CENPF: variants seen among roughly 807,000 people sequenced by gnomAD.
CENPF encodes the protein centromere protein F.
CENPF carries 214 observed loss-of-function variants against 307.3 expected under a neutral mutation model. That is an observed-to-expected ratio of 0.70 (90% CI 0.62 to 0.78). The LOEUF (loss-of-function observed/expected upper bound fraction) is 0.78. CENPF is among the 30% of genes least tolerant of loss of function. CENPF has a pLI of 0.00. For synonymous variants in CENPF, 1,259 were observed against 1,270.6 expected (o/e 0.99, Z 0.19); for missense variants, 3,401 against 3,483.9 (o/e 0.98, Z 0.60).
intron 5 of CENPF, among the ~76,000 whole-genome samples, chr1:214,619,932 G>A (rs1351117710): frequency 6.6e-6 from 1 of 152,142 alleles, no homozygotes; most frequent in Non-Finnish European, 1.5e-5. Context: ...AATATCATGT[G>A]CTTTGTCATC....
chr1:214,644,581 T>G lies in CENPF; in HGVS notation c.5011T>G (p.Cys1671Gly). Residue 1671 changes from cysteine (C) to glycine (G), a missense_variant, in exon 13 of 20, where the codon TGT becomes GGT. Coordinates refer to ENST00000366955, the MANE Select transcript of CENPF (RefSeq NM_016343.4). ...EDAIQGRNES[C>G]DISKEHTSET... ...GGCTATTCAAGGCCGAAATGAGAGC[T>G]GTGACATATCAAAAGAACATACTTC... The G allele has an allele frequency of 6.2e-7, 1 of 1,607,160 alleles. No homozygotes were observed. Among genetic ancestry groups the G allele is most frequent in the Non-Finnish European group, 8.5e-7 (1 of 1,176,114 alleles).
rs189214553 is a variant in CENPF, at chr1:214,618,839, G to C, written c.481+145G>C. 1,495 of 796,078 alleles carry C rather than the reference G, an allele frequency of 1.9e-3. 8 individuals carry two copies. The highest frequency in any genetic ancestry group is 4.3e-3 in the South Asian group (209 of 49,040). 49.3% of individuals were successfully genotyped at this position (796,078 alleles called of 1,614,324 possible). A position where few individuals can be genotyped will look rare whatever the true frequency, so the allele number is the denominator to read the frequency against. ...GCAGCCACTTGTTACATATCCATTT[G>C]CATATCTGTTGAATTATGTTGAGCT... is the stretch of plus-strand genomic sequence containing the variant. On this transcript the variant is annotated intron_variant, in intron 4 of 19. Transcript: ENST00000366955.
At chr1:214,631,765 G>T (rs963988909) in intron 9 of CENPF, among the ~76,000 whole-genome samples, 1 of 152,196 alleles carries the variant, frequency 6.6e-6, no homozygotes, top group African/African-American at 2.4e-5. Context: ...CTCCCAAAGT[G>T]CTGGGATTAC....
rs1276619542 is a variant in CENPF, at chr1:214,619,134, A to G, written c.487A>G (p.Lys163Glu). 1 of 1,446,552 alleles carries G rather than the reference A, an allele frequency of 6.9e-7. No individual in the cohort carries two copies. Among genetic ancestry groups the G allele is most frequent in the Admixed American group, 1.8e-5 (1 of 54,538 alleles). The allele number at this position is 1,446,552 out of a possible 1,614,324, so 89.6% of individuals were successfully genotyped here. ...ATTTGATTGTCTGTTTCTAGGTTCC[A>G]AGTATGAAGATCTAAAAGAAAAATA... ...LTPSQYYSGS[K>E]YEDLKEKYNK... The change falls in exon 5 of 20, where the codon AAG (lysine) becomes GAG (glutamate). Residue 163 changes from lysine (K) to glutamate (E), a missense_variant. Lys to Glu is a moderately conservative substitution (Grantham distance 56). Transcript: ENST00000366955.
intron 19 of CENPF, among the ~76,000 whole-genome samples, chr1:214,663,052 G>T (rs1417043277): frequency 6.6e-6 from 1 of 152,120 alleles, no homozygotes; most frequent in African/African-American, 2.4e-5. Context: ...GTTTGAGAGG[G>T]GATTTATTCT....
In CENPF at chr1:214,646,948, G is replaced by T; in HGVS notation, c.7378G>T (p.Asp2460Tyr). The T allele has an allele frequency of 6.2e-7, 1 of 1,613,962 alleles. No individual in the cohort carries two copies. The highest frequency in any genetic ancestry group is 1.1e-5 in the South Asian group (1 of 90,978). ...TGAGAGAGTGGCAGCCCTGCATAATGACCAAGAAGCCTGTAAGGCCAAAGA... is the reference window on the plus strand; with the variant it reads ...TGAGAGAGTGGCAGCCCTGCATAATTACCAAGAAGCCTGTAAGGCCAAAGA... ...LNERVAALHN[D>Y]QEACKAKEQN... The change falls in exon 13 of 20, where the codon GAC becomes TAC. Residue 2460 changes from aspartate (D) to tyrosine (Y), a missense_variant. Coordinates refer to ENST00000366955, the MANE Select transcript of CENPF (RefSeq NM_016343.4).
At chr1:214,623,634 C>G (rs998995534) in intron 7 of CENPF, among the ~76,000 whole-genome samples, 3 of 152,108 alleles carry the variant, frequency 2.0e-5, no homozygotes, top group Non-Finnish European at 2.9e-5. Flanking sequence ...ATTACTCATT[C>G]ATTTACTGAC....
rs1376605292 is a variant in CENPF at position 214,664,342 on chromosome 1, T to G, written c.*548T>G. The G allele has an allele frequency of 6.5e-6, 1 of 153,446 alleles. No individual in the cohort carries two copies. Among genetic ancestry groups the G allele is most frequent in the African/African-American group, 2.4e-5 (1 of 41,460 alleles). 9.5% of individuals were successfully genotyped at this position (153,446 alleles called of 1,614,324 possible). A position where few individuals can be genotyped will look rare whatever the true frequency, so the allele number is the denominator to read the frequency against. On this transcript the variant is annotated 3_prime_UTR_variant, in exon 20 of 20. Transcript: ENST00000366955. ...TTTATCTTTCTCTTACAATCTGTTT[T>G]AGACATCTTTGCTTATGAAACCTGT...
Position 214,648,810 on chromosome 1 carries a change from G to A in CENPF, c.7966G>A (p.Glu2656Lys), listed in dbSNP as rs1391197017. 1.9e-6 allele frequency: 3 copies of A among 1,613,464 alleles called. No individual in the cohort carries two copies. The highest frequency in any genetic ancestry group is 2.5e-6 in the Non-Finnish European group (3 of 1,179,808). Residue 2656 changes from glutamate (E) to lysine (K), a missense_variant, in exon 14 of 20, where the codon GAA (glutamate) becomes AAA (lysine). Glu to Lys is a moderately conservative substitution (Grantham distance 56, BLOSUM62 1). Transcript: ENST00000366955. ...TGGAGAGTTGCAGTTACTGTTGGAA[G>A]AAATAAAGAGCAGCAAAGTAAGTTT... Reference protein sequence around the residue: ...LAGELQLLLEEIKSSKDQLKE... With the variant: ...LAGELQLLLEKIKSSKDQLKE...
chr1:214,627,274 G>C (rs748800333), intron 7 of CENPF, among the ~76,000 whole-genome samples: 41 of 151,700 alleles, frequency 2.7e-4, no homozygotes, highest in Non-Finnish European at 2.1e-4. Flanking sequence ...GCCCAAGTTG[G>C]TATTGAACTC....
At chr1:214,652,354 G>T (rs1022197106) in intron 15 of CENPF, among the ~76,000 whole-genome samples, 1 of 151,302 alleles carries the variant, frequency 6.6e-6, no homozygotes, top group African/African-American at 2.4e-5. Context: ...TTTTAAAAAG[G>T]TATATTTCCA....
At chr1:214,660,504 A>G (rs774535762) in intron 19 of CENPF, among the ~76,000 whole-genome samples, 6 of 152,240 alleles carry the variant, frequency 3.9e-5, no homozygotes, top group Non-Finnish European at 7.3e-5. Context: ...TTAAGCAACT[A>G]GTGCCCCTAA....
rs767713691 is a variant in CENPF, at chr1:214,640,009, G to A, written c.1671G>A (p.Lys557=). 6 of 1,592,712 alleles carry A rather than the reference G, an allele frequency of 3.8e-6. No individual in the cohort carries two copies. In the East Asian group the frequency reaches 1.3e-4, roughly 36 times the overall value. ...QENSLTLEKL[K]LAVADLEKQR... is the part of the protein sequence containing the mutation. ...ACTCCTTGACTTTAGAAAAACTGAAGCTTGCTGTGGCTGATCTGGAAAAGC... is the reference window on the plus strand; with the variant it reads ...ACTCCTTGACTTTAGAAAAACTGAAACTTGCTGTGGCTGATCTGGAAAAGC... The change falls in exon 12 of 20, where the codon AAG becomes AAA. Residue 557 remains lysine, a synonymous_variant. Transcript: ENST00000366955.
chr1:214,605,803 C>T (rs1657009935), intron 1 of CENPF: 1 of 1,590,880 alleles, frequency 6.3e-7, no homozygotes, highest in South Asian at 1.1e-5. Flanking sequence ...TGGGGCAGCG[C>T]TCGTAGAGCG....
Position 214,659,033 on chromosome 1 carries a change from A to G in CENPF, c.9141+5A>G. The G allele has an allele frequency of 6.2e-7, 1 of 1,613,784 alleles. No individual in the cohort carries two copies. The highest frequency in any genetic ancestry group is 8.5e-7 in the Non-Finnish European group (1 of 1,179,886). On this transcript the variant is annotated splice_donor_5th_base_variant and intron_variant, in intron 19 of 19. Transcript: ENST00000366955. This position sits in a 1 kb window ranked among gnomAD's most constrained non-coding sequence, Gnocchi z 4.4. The stretch of plus-strand genomic sequence containing the variant: ...GGTGGCAGCAGATCACAAAAGGTAA[A>G]CTACTGTCAACATCCGTCTACTGTT...
Position 214,642,772 on chromosome 1 carries a change from C to G in CENPF, c.4434C>G (p.Ser1478=), listed in dbSNP as rs1213599681. 6.2e-7 allele frequency: 1 copy of G among 1,613,804 alleles called. No individual in the cohort carries two copies. The highest frequency in any genetic ancestry group is 1.3e-5 in the African/African-American group (1 of 74,916). Residue 1478 remains serine, a synonymous_variant, in exon 12 of 20, where the codon TCC becomes TCG. Transcript: ENST00000366955. The part of the protein sequence containing the change: ...LEEGLVPSLS[S]SCVPDSSSLS... ...AGGGGCTCGTTCCATCCCTGTCATC[C>G]TCTTGTGTGCCTGACAGCTCTAGTC...
chr1:214,603,669 C>T (rs895070915), intron 1 of CENPF: 1 of 152,222 alleles, frequency 6.6e-6, no homozygotes, highest in Admixed American at 6.5e-5. Context: ...GCCGCCTTCC[C>T]AGTCCCGTAA....
In CENPF at chr1:214,645,740, A is replaced by C; in HGVS notation, c.6170A>C (p.Gln2057Pro). The C allele has an allele frequency of 3.7e-6, 6 of 1,614,210 alleles. No homozygotes were observed. The highest frequency in any genetic ancestry group is 5.1e-6 in the Non-Finnish European group (6 of 1,180,038). The change falls in exon 13 of 20, where the codon CAA becomes CCA. Residue 2057 changes from glutamine (Q) to proline (P), a missense_variant. Physicochemically the swap from Gln to Pro is moderately conservative, Grantham distance 76 (BLOSUM62 -1). Transcript: ENST00000366955. ...TTGACAAAATGTGAGCTGGAAAACC[A>C]AATTGCACAACTGAATAAAGAGAAA... is the stretch of plus-strand genomic sequence containing the variant. ...LSLTKCELENQIAQLNKEKEL... is the reference protein window; with the variant it reads ...LSLTKCELENPIAQLNKEKEL...
chr1:214,646,691 A>T lies in CENPF; in HGVS notation c.7121A>T (p.Glu2374Val). 6.2e-7 allele frequency: 1 copy of T among 1,614,050 alleles called. No individual in the cohort carries two copies. The highest frequency in any genetic ancestry group is 8.5e-7 in the Non-Finnish European group (1 of 1,179,988). Residue 2374 changes from glutamate to valine, a missense_variant, in exon 13 of 20, where the codon GAA (glutamate) becomes GTA (valine). Coordinates refer to ENST00000366955, the MANE Select transcript of CENPF (RefSeq NM_016343.4). ...GTAGAGACCCTAAAAGCAAAAATAG[A>T]AGGGATGACCCAAAGTCTGAGAGGT... The part of the protein sequence containing the change: ...GEVETLKAKI[E>V]GMTQSLRGLE...
Sources: gnomAD v4.1 joint callset for allele counts (sites outside exome capture counted in the v4.1 genomes callset) on GRCh38, gnomAD v4.1.1 for gene constraint, Gnocchi (gnomAD v3.1) non-coding constraint, MANE v1.5 for transcripts, NCBI Gene and HGNC (gene_info 2026-07-23, HGNC 2026-07-21) for gene names.